CHD6: variants seen among roughly 807,000 people sequenced by gnomAD.
The protein encoded by CHD6 is ATP-dependent chromatin remodeler CHD6.
Under a neutral mutation model 276.9 loss-of-function variants are expected in CHD6, and 50 were observed. That is an observed-to-expected ratio of 0.18 (90% CI 0.14 to 0.23). The LOEUF (loss-of-function observed/expected upper bound fraction) is 0.23. Among genes scored for constraint, CHD6 ranks in the 10% least tolerant of loss-of-function variants. The pLI is 1.00. For synonymous variants in CHD6, 1,173 were observed against 1,229.3 expected, an observed-to-expected ratio of 0.95 and a Z score of 0.96; for missense variants, 2,564 against 3,365.8, an observed-to-expected ratio of 0.76 and a Z score of 5.89.
chr20:41,454,764 T>C (rs2048334651), intron 19 of CHD6, 28 bp from the exon 20 acceptor site: 2 of 1,530,242 alleles, frequency 1.3e-6, no homozygotes, highest in South Asian at 1.1e-5. Flanking sequence ...ATTAATAAAC[T>C]GTGCTTGAAC....
In CHD6 at chr20:41,425,347, C is replaced by A. The variant is rs147954398; in HGVS notation, c.4177G>T (p.Ala1393Ser). Residue 1393 changes from alanine (A) to serine (S), a missense_variant, in exon 29 of 37, where the codon GCC becomes TCC. Coordinates refer to ENST00000373233, the MANE Select transcript of CHD6 (RefSeq NM_032221.5). ...AGACGTCTGAGACGAGCTGTGAGGG[C>A]GGAGGAAACTGGCCAGGGCGATTTG... ...PDKSPWPVSS[A>S]LTARLRRLVT... 4 of 1,614,140 alleles carry A rather than the reference C, an allele frequency of 2.5e-6. No individual in the cohort carries two copies. The East Asian group carries it at 8.9e-5, about 36-fold the overall frequency.
At chr20:41,559,010 C>G (rs2045271713) in intron 1 of CHD6, among the ~76,000 whole-genome samples, 1 of 152,168 alleles carries the variant, frequency 6.6e-6, no homozygotes, top group Admixed American at 6.5e-5. Flanking sequence ...AGTGAAACAA[C>G]TTAAGGCAGG....
At position 41,451,161 on chromosome 20, in the gene CHD6, G is replaced by A. The variant is rs41278128; in HGVS notation, c.3524-56C>T. On this transcript the variant is annotated intron_variant, in intron 22 of 36. Coordinates refer to ENST00000373233, the MANE Select transcript of CHD6 (RefSeq NM_032221.5). The stretch of plus-strand genomic sequence containing the variant: ...GATAGCCAAGGGGGGTGTTACACAC[G>A]GGTTTTAGAAGAGCTGGGCTGGGGT... 7.8e-4 allele frequency: 1,175 copies of A among 1,508,906 alleles called. 3 individuals are homozygous for A. Among genetic ancestry groups the A allele is most frequent in the South Asian group, 2.5e-3 (214 of 84,284 alleles). The allele number at this position is 1,508,906 out of a possible 1,614,324, so 93.5% of individuals were successfully genotyped here. A position where few individuals can be genotyped will look rare whatever the true frequency, so the allele number is the denominator to read the frequency against.
rs112495944 is a variant in CHD6 at position 41,497,236 on chromosome 20, T to G, written c.1092+148A>C. 46 of 637,662 alleles carry G rather than the reference T, an allele frequency of 7.2e-5. 6 individuals are homozygous for G. The highest frequency in any genetic ancestry group is 5.3e-4 in the African/African-American group (29 of 55,166). 39.5% of individuals were successfully genotyped at this position (637,662 alleles called of 1,614,324 possible). On this transcript the variant is annotated intron_variant, in intron 8 of 36. Coordinates refer to ENST00000373233, the MANE Select transcript of CHD6 (RefSeq NM_032221.5). ...AGTTTTCTTTGACTTGAATCTAGACTAGTTTTGTTGCAAATCAGCACACAT... is the reference window on the plus strand; with the variant it reads ...AGTTTTCTTTGACTTGAATCTAGACGAGTTTTGTTGCAAATCAGCACACAT...
At chr20:41,504,403 C>CTTTTTTTTT (rs200549678) in intron 5 of CHD6, among the ~76,000 whole-genome samples, 193 of 109,842 alleles carry the variant, frequency 1.8e-3, no homozygotes, top group Non-Finnish European at 2.4e-3. Flanking sequence ...CCTCTATTTT[C>CTTTTTTTTT]TTTTTTTTTT....
intron 1 of CHD6, among the ~76,000 whole-genome samples, chr20:41,571,794 C>T (rs1310218347): frequency 2.6e-5 from 4 of 151,390 alleles, no homozygotes; most frequent in Non-Finnish European, 5.9e-5. Context: ...CAGGTTACAC[C>T]ATATTTTAAA....
chr20:41,587,848 AC>A (rs1456815444), intron 1 of CHD6, among the ~76,000 whole-genome samples: 1 of 151,954 alleles, frequency 6.6e-6, no homozygotes, highest in Non-Finnish European at 1.5e-5. Flanking sequence ...ACCCAAAAAA[AC>A]CCTGCTGGGC....
chr20:41,557,505 T>TA, intron 1 of CHD6, among the ~76,000 whole-genome samples: 1 of 152,242 alleles, frequency 6.6e-6, no homozygotes, highest in South Asian at 2.1e-4. Flanking sequence ...TGTGTAATAG[T>TA]AACTTTTAAA....
intron 4 of CHD6, 28 bp downstream of exon 4, chr20:41,514,777 C>G: frequency 1.2e-6 from 2 of 1,611,138 alleles, no homozygotes; most frequent in Non-Finnish European, 8.5e-7. Context: ...GCCGTAATCT[C>G]CACCAGGCCT....
At chr20:41,529,023 C>T (rs954474356) in intron 3 of CHD6, among the ~76,000 whole-genome samples, 3 of 152,326 alleles carry the variant, frequency 2.0e-5, no homozygotes, top group Admixed American at 2.0e-4. Flanking sequence ...CATTTCTGAT[C>T]TTCCTTAGCA....
intron 1 of CHD6, among the ~76,000 whole-genome samples, chr20:41,554,376 T>TA (rs2045189701): frequency 1.5e-5 from 2 of 134,946 alleles, no homozygotes; most frequent in African/African-American, 6.2e-5. Context: ...GCACTTTTAT[T>TA]TTTTATTTAT....
At chr20:41,420,454 C>T in intron 31 of CHD6, 54 bp downstream of exon 31, 1 of 1,535,016 alleles carries the variant, frequency 6.5e-7, no homozygotes, top group African/African-American at 1.4e-5. Flanking sequence ...ACCCAACCCC[C>T]CGTCGTGTGT....
At chr20:41,482,586 T>C (rs762952680) in intron 16 of CHD6, 6 of 500,732 alleles carry the variant, frequency 1.2e-5, no homozygotes, top group Non-Finnish European at 2.4e-5. Context: ...TTCTATGATC[T>C]TGAAAGTCTT....
chr20:41,403,187 TAA>T lies in CHD6; in HGVS notation c.*1404_*1405del. On this transcript the variant is annotated 3_prime_UTR_variant, in exon 37 of 37. Transcript: ENST00000373233. The stretch of plus-strand genomic sequence containing the variant: ...GTAACAGAAAAAGTAAAAAATACAG[TAA>T]ATTGTGACAACAAAAAGTGAAACTG... The T allele has an allele frequency of 1.1e-6, 1 of 887,696 alleles. No individual in the cohort carries two copies. The highest frequency in any genetic ancestry group is 1.4e-6 in the Non-Finnish European group (1 of 718,824). 55.0% of individuals were successfully genotyped at this position (887,696 alleles called of 1,614,324 possible).
chr20:41,595,771 A>C (rs2045710848), intron 1 of CHD6, among the ~76,000 whole-genome samples: 1 of 152,144 alleles, frequency 6.6e-6, no homozygotes, highest in Admixed American at 6.5e-5. Flanking sequence ...ATTTGGACCA[A>C]AGAACCCACC....
chr20:41,453,688 C>G (rs1407750381), intron 20 of CHD6, among the ~76,000 whole-genome samples: 1 of 152,202 alleles, frequency 6.6e-6, no homozygotes, highest in South Asian at 2.1e-4. Flanking sequence ...TACAGGGCCA[C>G]AGTGCTTTCT....
chr20:41,431,945 G>C (rs574283876), intron 27 of CHD6, among the ~76,000 whole-genome samples: 1 of 152,060 alleles, frequency 6.6e-6, no homozygotes, highest in South Asian at 2.1e-4. Context: ...GATCACCTGA[G>C]GTCAGGAGTT....
At chr20:41,548,718 T>C (rs1469458264) in intron 2 of CHD6, among the ~76,000 whole-genome samples, 1 of 151,666 alleles carries the variant, frequency 6.6e-6, no homozygotes, top group Non-Finnish European at 1.5e-5. Context: ...ACCTACAAAA[T>C]GGGAGAAAAT....
intron 27 of CHD6, among the ~76,000 whole-genome samples, chr20:41,427,178 C>T (rs1034032472): frequency 1.3e-5 from 2 of 151,070 alleles, no homozygotes; most frequent in Non-Finnish European, 2.9e-5. Flanking sequence ...TTACTTGCTA[C>T]TTCCTGGAAT....
Sources: allele counts gnomAD v4.1 joint callset (sites outside exome capture counted in the v4.1 genomes callset), GRCh38; gene constraint gnomAD v4.1.1; transcripts MANE v1.5; gene names NCBI Gene and HGNC (gene_info 2026-07-23, HGNC 2026-07-21).